The following RTL4 variants were observed in gnomAD, a reference collection of about 807,000 sequenced individuals.
RTL4 encodes the protein retrotransposon Gag-like protein 4.
RTL4 carries 4 observed loss-of-function variants against 5.3 expected under a neutral mutation model. That is an observed-to-expected ratio of 0.75 (90% CI 0.37 to 1.72). RTL4 has a LOEUF of 1.72. RTL4 is among the 40% of genes most tolerant of loss of function. The pLI is 0.04. For synonymous variants in RTL4, 98 were observed against 87.3 expected (o/e 1.12, Z -0.68); for missense variants, 260 against 227.1 (o/e 1.14, Z -0.93).
the RTL4 span, among the ~76,000 whole-genome samples, chrX:112,214,627 A>G: frequency 2.7e-5 from 3 of 112,195 alleles, no homozygotes; most frequent in East Asian, 8.4e-4. Flanking sequence ...TTACATTTCT[A>G]CCAACAGAAT....
chrX:112,144,427 G>A, the RTL4 span, among the ~76,000 whole-genome samples: 1 of 111,468 alleles, frequency 9.0e-6, no homozygotes, highest in African/African-American at 3.3e-5. Context: ...TAGATCTGAG[G>A]AGGGACCACA....
At chrX:112,263,010 A>G in the RTL4 span, among the ~76,000 whole-genome samples, 1 of 90,777 alleles carries the variant, frequency 1.1e-5, no homozygotes, top group African/African-American at 4.1e-5. Flanking sequence ...CAATGAGAAC[A>G]CTTGGACACA....
At chrX:112,437,771 C>A in the RTL4 span, among the ~76,000 whole-genome samples, 1 of 95,946 alleles carries the variant, frequency 1.0e-5, no homozygotes, top group African/African-American at 3.9e-5. Flanking sequence ...CCAAAATAAA[C>A]ACTCTGTAAG....
At chrX:112,454,407 G>A (rs1926794673), upstream of RTL4, 2 of 180,662 alleles carry the variant, frequency 1.1e-5, no homozygotes, top group Non-Finnish European at 1.0e-5. Flanking sequence ...GGAAAAGGAG[G>A]GAGGAGAGAA....
At chrX:112,417,431 G>A in the RTL4 span, among the ~76,000 whole-genome samples, 1 of 111,898 alleles carries the variant, frequency 8.9e-6, no homozygotes, top group African/African-American at 3.2e-5. Context: ...CAATGCAAGG[G>A]TCACAAACTA....
the RTL4 span, among the ~76,000 whole-genome samples, chrX:112,107,257 T>G: frequency 3.6e-5 from 4 of 112,022 alleles, no homozygotes; most frequent in Non-Finnish European, 7.5e-5. Context: ...TTACATCTTT[T>G]TATAATGCTT....
At chrX:112,343,311 C>T in the RTL4 span, among the ~76,000 whole-genome samples, 4 of 111,708 alleles carry the variant, frequency 3.6e-5, no homozygotes, top group Admixed American at 9.5e-5. Flanking sequence ...TGTTTCTTTT[C>T]CCTTCCACTC....
At chrX:112,248,153 A>T in the RTL4 span, among the ~76,000 whole-genome samples, 1 of 112,451 alleles carries the variant, frequency 8.9e-6, no homozygotes, top group African/African-American at 3.2e-5. Context: ...TTTACTACAG[A>T]TAGCTATAAT....
chrX:112,163,203 C>G, the RTL4 span, among the ~76,000 whole-genome samples: 1 of 111,502 alleles, frequency 9.0e-6, no homozygotes, highest in Non-Finnish European at 1.9e-5. Context: ...GAATTCAGCC[C>G]GAAAACCTGT....
chrX:112,255,959 T>C, the RTL4 span, among the ~76,000 whole-genome samples: 1 of 111,882 alleles, frequency 8.9e-6, no homozygotes, highest in Non-Finnish European at 1.9e-5. Context: ...GATAAGATTC[T>C]ATTATATTGC....
chrX:112,309,645 C>G, the RTL4 span, among the ~76,000 whole-genome samples: 2 of 107,686 alleles, frequency 1.9e-5, no homozygotes, highest in African/African-American at 3.4e-5. Flanking sequence ...CATGCCACCA[C>G]GCCCAACTCA....
the RTL4 span, among the ~76,000 whole-genome samples, chrX:112,300,964 A>G: frequency 9.0e-6 from 1 of 111,549 alleles, no homozygotes; most frequent in Non-Finnish European, 1.9e-5. Flanking sequence ...TCACACAGAC[A>G]GTGCTGAGGG....
the RTL4 span, among the ~76,000 whole-genome samples, chrX:112,398,396 C>CTTTTTTTTTTTT: frequency 1.4e-5 from 1 of 72,167 alleles, no homozygotes; most frequent in Non-Finnish European, 2.5e-5. Context: ...TTCTTTCTTT[C>CTTTTTTTTTTTT]TTTTTTTTTT....
the RTL4 span, among the ~76,000 whole-genome samples, chrX:112,172,947 C>G: frequency 9.9e-6 from 1 of 101,207 alleles, no homozygotes; most frequent in Non-Finnish European, 2.0e-5. Flanking sequence ...TAAGTGGGAG[C>G]TGAGCAATGA....
chrX:112,215,001 G>C, the RTL4 span, among the ~76,000 whole-genome samples: 1 of 111,275 alleles, frequency 9.0e-6, no homozygotes, highest in Non-Finnish European at 1.9e-5. Flanking sequence ...TGTTAGCCAG[G>C]ATGGTCTCGA....
chrX:112,307,775 AATG>A, the RTL4 span, among the ~76,000 whole-genome samples: 1 of 111,908 alleles, frequency 8.9e-6, no homozygotes, highest in South Asian at 3.7e-4. Context: ...TTAATCTTGT[AATG>A]ATATTTATTC....
chrX:112,092,858 C>T, the RTL4 span, among the ~76,000 whole-genome samples: 716 of 111,628 alleles, frequency 6.4e-3, 5 homozygotes, highest in African/African-American at 0.022. Context: ...GTGAGGCCTC[C>T]CCAGCCAGGT....
the RTL4 span, among the ~76,000 whole-genome samples, chrX:112,184,811 G>A: frequency 1.8e-5 from 2 of 112,023 alleles, no homozygotes; most frequent in Non-Finnish European, 3.8e-5. Flanking sequence ...ACTGATTTAT[G>A]ACTAGGTAAA....
the RTL4 span, among the ~76,000 whole-genome samples, chrX:112,419,595 T>TATATATATATATATATATATA: frequency 2.2e-3 from 63 of 28,149 alleles, 1 homozygote; most frequent in Non-Finnish European, 4.3e-3. Flanking sequence ...ATATATATAT[T>TATATATATATATATATATATA]TTTACATATG....
Sources: allele counts gnomAD v4.1 joint callset (sites outside exome capture counted in the v4.1 genomes callset), GRCh38; gene constraint gnomAD v4.1.1; transcripts MANE v1.5; gene names NCBI Gene and HGNC (gene_info 2026-07-23, HGNC 2026-07-21).